NAV2: variants seen among roughly 807,000 people sequenced by gnomAD.
NAV2 encodes neuron navigator 2.
Under a neutral mutation model 223.2 loss-of-function variants are expected in NAV2, and 54 were observed. The ratio of observed to expected loss-of-function variants is 0.24; its 90% CI spans 0.19 to 0.30. NAV2 has a LOEUF of 0.30. Ranked by LOEUF, NAV2 falls within the 10% of genes least tolerant of loss-of-function variation. The probability of loss-of-function intolerance (pLI) is 1.00; values close to 1 mark genes in which losing one functional copy is unlikely to be tolerated. For missense variants in NAV2, 2,806 were observed against 3,147.5 expected (o/e 0.89, Z 2.60); for synonymous variants, 1,279 against 1,239.3 (o/e 1.03, Z -0.67).
At chr11:19,728,954 C>T (rs1299780831) in intron 1 of NAV2, among the ~76,000 whole-genome samples, 7 of 152,172 alleles carry the variant, frequency 4.6e-5, no homozygotes, top group African/African-American at 1.4e-4. Flanking sequence ...GCCAAGAGTG[C>T]ACCCCTTCCT....
chr11:19,920,097 G>C (rs1591245548), intron 6 of NAV2, among the ~76,000 whole-genome samples: 1 of 152,044 alleles, frequency 6.6e-6, no homozygotes, highest in South Asian at 2.1e-4. Flanking sequence ...TTGCACCACT[G>C]CACTCCATCC....
intron 1 of NAV2, among the ~76,000 whole-genome samples, chr11:19,781,262 CCTG>C (rs1369858966): frequency 6.6e-6 from 1 of 152,184 alleles, no homozygotes; most frequent in Non-Finnish European, 1.5e-5. Context: ...CGCTGCAGGG[CCTG>C]CTGCTGAGGT....
intron 1 of NAV2, among the ~76,000 whole-genome samples, chr11:19,548,876 C>CAAAAA (rs10709105): frequency 2.2e-4 from 17 of 78,606 alleles, no homozygotes; most frequent in African/African-American, 6.2e-4. Flanking sequence ...GGCTCCGTCT[C>CAAAAA]AAAAAAAAAA....
chr11:19,452,772 A>G (rs1002128479), intron 1 of NAV2, among the ~76,000 whole-genome samples: 2 of 152,202 alleles, frequency 1.3e-5, no homozygotes, highest in Non-Finnish European at 2.9e-5. Context: ...AAAACAATGT[A>G]TGGGTACTCA....
intron 1 of NAV2, among the ~76,000 whole-genome samples, chr11:19,763,686 G>T (rs2054959543): frequency 6.6e-6 from 1 of 152,048 alleles, no homozygotes; most frequent in South Asian, 2.1e-4. Flanking sequence ...CACTGTCTCA[G>T]CTCCATGGGA....
intron 1 of NAV2, among the ~76,000 whole-genome samples, chr11:19,569,384 C>T (rs1238217420): frequency 1.3e-5 from 2 of 152,186 alleles, no homozygotes; most frequent in East Asian, 3.8e-4. Flanking sequence ...ATGTAAACCC[C>T]ATGAGGGCAA....
chr11:19,924,745 C>T (rs2153231904), intron 6 of NAV2, among the ~76,000 whole-genome samples: 1 of 152,318 alleles, frequency 6.6e-6, no homozygotes, highest in South Asian at 2.1e-4. Context: ...TTAGAGAGAA[C>T]TGACATGGTT....
chr11:19,624,277 A>G (rs1033704881), intron 1 of NAV2, among the ~76,000 whole-genome samples: 1 of 152,142 alleles, frequency 6.6e-6, no homozygotes, highest in African/African-American at 2.4e-5. Flanking sequence ...TGGGAGTACC[A>G]CTACTCTCTT....
chr11:20,077,653 C>T lies in NAV2; in HGVS notation c.5067+18C>T, dbSNP rs1249499837. The T allele has an allele frequency of 6.3e-7, 1 of 1,588,686 alleles. No individual in the cohort carries two copies. The highest frequency in any genetic ancestry group is 8.6e-7 in the Non-Finnish European group (1 of 1,157,286). The stretch of plus-strand genomic sequence containing the variant: ...AGCAGAAGGTAAGGCAGAAAGGATA[C>T]TTTAACCCTCCCTACTTGGAGTTAA... On this transcript the variant is annotated intron_variant, in intron 23 of 37. Transcript: ENST00000349880.
intron 6 of NAV2, among the ~76,000 whole-genome samples, chr11:19,898,476 T>C (rs2042181268): frequency 6.6e-6 from 1 of 152,238 alleles, no homozygotes; most frequent in Admixed American, 6.5e-5. Flanking sequence ...ATCTTTTAAA[T>C]GAAATCATGA....
intron 1 of NAV2, among the ~76,000 whole-genome samples, chr11:19,742,507 C>G (rs1024124650): frequency 2.6e-5 from 4 of 152,222 alleles, no homozygotes; most frequent in Non-Finnish European, 5.9e-5. Context: ...GCAAGGAAGA[C>G]TCATGGACTG....
chr11:19,773,098 C>T (rs568011328), intron 1 of NAV2, among the ~76,000 whole-genome samples: 4 of 152,310 alleles, frequency 2.6e-5, no homozygotes, highest in African/African-American at 9.6e-5. Flanking sequence ...TGCCTCCTGG[C>T]CTGAACCCCT....
chr11:19,945,624 G>T (rs538189012), intron 8 of NAV2, among the ~76,000 whole-genome samples: 1 of 152,158 alleles, frequency 6.6e-6, no homozygotes, highest in Non-Finnish European at 1.5e-5. Flanking sequence ...GATTATAGGC[G>T]TGAGCCACTG....
intron 1 of NAV2, among the ~76,000 whole-genome samples, chr11:19,714,871 G>A (rs987126480): frequency 6.6e-6 from 1 of 152,180 alleles, no homozygotes; most frequent in Non-Finnish European, 1.5e-5. Context: ...CTTCTGGTAG[G>A]AGGGGGCTAT....
chr11:20,077,869 C>T, intron 23 of NAV2, 124 bp from the exon 24 acceptor site: 1 of 774,084 alleles, frequency 1.3e-6, no homozygotes, highest in East Asian at 2.7e-5. Flanking sequence ...GCCTGTTGAT[C>T]CATCTGAAAG....
At position 19,858,466 on chromosome 11, in the gene NAV2, C is replaced by T. The variant is rs60809931; in HGVS notation, c.439-10459C>T. The stretch of plus-strand genomic sequence containing the variant: ...TTCTGTATCCATTTATCCTTTGATG[C>T]GTTGCACACTTAGGTTATTTTCATA... On this transcript the variant is annotated intron_variant, in intron 3 of 37. Transcript: ENST00000349880. 4.6e-3 allele frequency among the ~76,000 whole-genome samples: 698 copies of T among 152,284 alleles called. 8 individuals carry two copies. The highest frequency in any genetic ancestry group is 0.016 in the African/African-American group (652 of 41,560).
At chr11:19,515,157 T>C (rs2043407071) in intron 1 of NAV2, among the ~76,000 whole-genome samples, 1 of 152,232 alleles carries the variant, frequency 6.6e-6, no homozygotes, top group South Asian at 2.1e-4. Flanking sequence ...GAGATATTCT[T>C]AACCTCATAT....
chr11:19,708,313 T>A (rs1451562441), upstream of NAV2, among the ~76,000 whole-genome samples: 1 of 152,140 alleles, frequency 6.6e-6, no homozygotes, highest in Non-Finnish European at 1.5e-5. Flanking sequence ...AACCCATTTG[T>A]AGAAAATTAA....
At chr11:19,385,633 CTTGCCT>C (rs1481182133) in intron 1 of NAV2, among the ~76,000 whole-genome samples, 16 of 152,132 alleles carry the variant, frequency 1.1e-4, no homozygotes, top group Non-Finnish European at 2.9e-5. Flanking sequence ...TTTTTAACCT[CTTGCCT>C]TTGCCTCTGC....
Sources: gnomAD v4.1 joint callset for allele counts (sites outside exome capture counted in the v4.1 genomes callset) on GRCh38, gnomAD v4.1.1 for gene constraint, MANE v1.5 for transcripts, NCBI Gene and HGNC (gene_info 2026-07-23, HGNC 2026-07-21) for gene names.